The following ZNF676 variants were observed in gnomAD, a reference collection of about 807,000 sequenced individuals.
The protein encoded by ZNF676 is zinc finger protein 676.
Under a neutral mutation model 6.0 loss-of-function variants are expected in ZNF676, and 4 were observed. That is an observed-to-expected ratio of 0.67 (90% CI 0.33 to 1.53). ZNF676 has a LOEUF of 1.53. Among genes scored for constraint, ZNF676 ranks in the 40% most tolerant of loss-of-function variants. The pLI, the probability that ZNF676 is intolerant of heterozygous loss-of-function variation, is 0.06. For missense variants in ZNF676, 644 were observed against 679.7 expected (o/e 0.95, Z 0.58); for synonymous variants, 198 against 223.1 (o/e 0.89, Z 1.00).
the ZNF676 span, among the ~76,000 whole-genome samples, chr19:22,230,490 A>G: frequency 3.5e-5 from 5 of 142,736 alleles, no homozygotes; most frequent in African/African-American, 1.1e-4. Flanking sequence ...CAGAACTTAA[A>G]GTGTAATAAT....
the ZNF676 span, among the ~76,000 whole-genome samples, chr19:22,240,479 G>C: frequency 7.2e-5 from 11 of 152,014 alleles, no homozygotes; most frequent in East Asian, 1.9e-3. Context: ...ACTATTTTTT[G>C]TGTGAGCAGA....
At chr19:22,252,969 G>A in the ZNF676 span, among the ~76,000 whole-genome samples, 259 of 152,260 alleles carry the variant, frequency 1.7e-3, 1 homozygote, top group African/African-American at 5.9e-3. Flanking sequence ...TTGGTTCTAG[G>A]TATGAGAGGC....
intron 2 of ZNF676, among the ~76,000 whole-genome samples, chr19:22,184,900 G>C (rs1425740830): frequency 1.3e-5 from 2 of 149,934 alleles, no homozygotes; most frequent in African/African-American, 4.9e-5. Context: ...CCATCTCCCT[G>C]GGACAGAGCA....
At chr19:22,248,075 C>T in the ZNF676 span, among the ~76,000 whole-genome samples, 1 of 13,628 alleles carries the variant, frequency 7.3e-5, no homozygotes, top group African/African-American at 1.4e-4. Context: ...AGGAAACGAA[C>T]TCATCATTTT....
chr19:22,215,628 T>G, intron 1 of ZNF676: 1 of 1,610,646 alleles, frequency 6.2e-7, no homozygotes, highest in South Asian at 1.1e-5. Flanking sequence ...CCCGGCACAC[T>G]CACCATTTCT....
intron 2 of ZNF676, among the ~76,000 whole-genome samples, chr19:22,189,892 G>A (rs1246335184): frequency 6.6e-6 from 1 of 152,160 alleles, no homozygotes; most frequent in Non-Finnish European, 1.5e-5. Flanking sequence ...CAAAGATGTG[G>A]AGAAGTAGAA....
In ZNF676 at chr19:22,181,594, G is replaced by C; in HGVS notation, c.131-8C>G. 1 of 1,519,198 alleles carries C rather than the reference G, an allele frequency of 6.6e-7. No homozygotes were observed. The highest frequency in any genetic ancestry group is 8.8e-7 in the Non-Finnish European group (1 of 1,138,698). 94.1% of individuals were successfully genotyped at this position (1,519,198 alleles called of 1,614,324 possible). ...AAAAATGAGAACATATAACTGAAAA[G>C]AAATAAAAATAACAAATTAATCTAC... is the stretch of plus-strand genomic sequence containing the variant. On this transcript the variant is annotated splice_region_variant and splice_polypyrimidine_tract_variant and intron_variant, in intron 2 of 2. Transcript: ENST00000397121.
upstream of ZNF676, among the ~76,000 whole-genome samples, chr19:22,215,898 A>C (rs1208180933): frequency 6.6e-6 from 1 of 151,634 alleles, no homozygotes; most frequent in Non-Finnish European, 1.5e-5. Context: ...GTGACAGAAG[A>C]TGTGATCAGA....
chr19:22,190,559 C>T (rs1310165660), intron 2 of ZNF676, among the ~76,000 whole-genome samples: 3 of 136,274 alleles, frequency 2.2e-5, no homozygotes, highest in Non-Finnish European at 4.8e-5. Flanking sequence ...AAAAGACATT[C>T]CAAGCTACAG....
chr19:22,219,286 A>G (rs1329735863), upstream of ZNF676, among the ~76,000 whole-genome samples: 1 of 151,730 alleles, frequency 6.6e-6, no homozygotes, highest in Non-Finnish European at 1.5e-5. Flanking sequence ...CTTAGTAGAG[A>G]TGGGGTTTTA....
chr19:22,225,454 T>C, the ZNF676 span, among the ~76,000 whole-genome samples: 1 of 152,320 alleles, frequency 6.6e-6, no homozygotes, highest in Admixed American at 6.5e-5. Flanking sequence ...GTTGCATACT[T>C]TGGAAATCAA....
the ZNF676 span, among the ~76,000 whole-genome samples, chr19:22,224,195 C>A: frequency 6.8e-6 from 1 of 147,746 alleles, no homozygotes; most frequent in Non-Finnish European, 1.5e-5. Context: ...CATACTAGAT[C>A]TGATGAGTAA....
chr19:22,219,912 C>T (rs1286367523), upstream of ZNF676, among the ~76,000 whole-genome samples: 1 of 152,120 alleles, frequency 6.6e-6, no homozygotes, highest in African/African-American at 2.4e-5. Flanking sequence ...ACCTCAGCCT[C>T]CCAAAGTGCT....
At chr19:22,204,469 T>C (rs900442857) in intron 1 of ZNF676, among the ~76,000 whole-genome samples, 3 of 152,204 alleles carry the variant, frequency 2.0e-5, no homozygotes, top group Non-Finnish European at 1.5e-5. Flanking sequence ...TTTACATGAA[T>C]GCAGGTTGTC....
At chr19:22,252,236 A>T in the ZNF676 span, among the ~76,000 whole-genome samples, 7 of 151,886 alleles carry the variant, frequency 4.6e-5, no homozygotes, top group Middle Eastern at 3.2e-3. Context: ...CTCTACTAAA[A>T]ATAGAAAAAT....
the ZNF676 span, among the ~76,000 whole-genome samples, chr19:22,242,440 T>C: frequency 6.6e-6 from 1 of 151,932 alleles, no homozygotes; most frequent in African/African-American, 2.4e-5. Flanking sequence ...AAGGGTCATA[T>C]TTCTTGGGTC....
chr19:22,214,710 C>T (rs1223865969), intron 1 of ZNF676, among the ~76,000 whole-genome samples: 1 of 150,976 alleles, frequency 6.6e-6, no homozygotes, highest in African/African-American at 2.4e-5. Flanking sequence ...CCTCTGATTA[C>T]ATAACCAAGA....
At chr19:22,203,985 A>G (rs991110081) in intron 1 of ZNF676, 1 of 152,190 alleles carries the variant, frequency 6.6e-6, no homozygotes. Flanking sequence ...AATATATCTG[A>G]CAACTTCCAC....
rs1042122555 is a variant in ZNF676, at chr19:22,182,046, G to A, written c.131-460C>T. Among the ~76,000 whole-genome samples the A allele has an allele frequency of 1.6e-4, 24 of 151,820 alleles. 1 individual carries two copies. Among genetic ancestry groups the A allele is most frequent in the African/African-American group, 5.3e-4 (22 of 41,398 alleles). On this transcript the variant is annotated intron_variant, in intron 2 of 2. Coordinates refer to ENST00000397121, the MANE Select transcript of ZNF676 (RefSeq NM_001001411.3). ...CATGACATAAAGTGCTGAAATACAT[G>A]GTGGTATACTTTGAAATGAAAGTTT...
Sources: allele counts gnomAD v4.1 joint callset (sites outside exome capture counted in the v4.1 genomes callset), GRCh38; gene constraint gnomAD v4.1.1; transcripts MANE v1.5; gene names NCBI Gene and HGNC (gene_info 2026-07-23, HGNC 2026-07-21).